The following ZNF37A variants were observed in gnomAD, a reference collection of about 807,000 sequenced individuals.
ZNF37A encodes the protein zinc finger protein 37a (KOX 21).
A neutral mutation model predicts 12.3 loss-of-function variants in ZNF37A; 10 were observed. That is an observed-to-expected ratio of 0.82 (90% CI 0.50 to 1.38). ZNF37A has a LOEUF of 1.38. Among genes scored for constraint, ZNF37A ranks in the 40% most tolerant of loss-of-function variants. The pLI is 0.00. For synonymous variants in ZNF37A, 207 were observed against 223.0 expected, an observed-to-expected ratio of 0.93 and a Z score of 0.64; for missense variants, 580 against 651.2, an observed-to-expected ratio of 0.89 and a Z score of 1.19.
rs142783823 is a variant in ZNF37A, at chr10:38,104,074, A to C, written c.15+7442A>C. On this transcript the variant is annotated intron_variant, in intron 5 of 7. Transcript: ENST00000685332. ...ATGATCTCAATTCCCTGCTTTATGC[A>C]GGAGCTTTTCAAACCCCTTATCCCC... is the stretch of plus-strand genomic sequence containing the variant. Among the ~76,000 whole-genome samples the C allele has an allele frequency of 5.0e-3, 757 of 152,324 alleles. 5 individuals are homozygous for C. Among genetic ancestry groups the C allele is most frequent in the Middle Eastern group, 0.027 (8 of 294 alleles).
At chr10:38,112,074 T>C (rs2068722915) in intron 5 of ZNF37A, among the ~76,000 whole-genome samples, 1 of 151,252 alleles carries the variant, frequency 6.6e-6, no homozygotes, top group African/African-American at 2.4e-5. Context: ...TAGCTTGTGT[T>C]CAGGTACTGT....
chr10:38,110,293 CTG>C (rs2068529363), intron 5 of ZNF37A, among the ~76,000 whole-genome samples: 1 of 152,162 alleles, frequency 6.6e-6, no homozygotes, highest in Non-Finnish European at 1.5e-5. Flanking sequence ...ATAAAGAAAA[CTG>C]GAACTGGACC....
rs2069389023 is a variant in ZNF37A at position 38,117,716 on chromosome 10, A to G, written c.565A>G (p.Ile189Val). 1 of 1,613,946 alleles carries G rather than the reference A, an allele frequency of 6.2e-7. No homozygotes were observed. The highest frequency in any genetic ancestry group is 8.5e-7 in the Non-Finnish European group (1 of 1,179,960). The part of the protein sequence containing the change: ...HGKTCDMSFF[I>V]THQQTHPREN... ...GAAAACCTGTGATATGTCATTTTTCATCACTCATCAGCAAACACATCCAAG... is the reference window on the plus strand; with the variant it reads ...GAAAACCTGTGATATGTCATTTTTCGTCACTCATCAGCAAACACATCCAAG... The change falls in exon 8 of 8, where the codon ATC (isoleucine) becomes GTC (valine). Residue 189 changes from isoleucine (I) to valine (V), a missense_variant. Transcript: ENST00000685332.
rs551788907 is a variant in ZNF37A at position 38,114,765 on chromosome 10, C to T, written c.26C>T (p.Ser9Leu). The change falls in exon 6 of 8, where the codon TCG becomes TTG. Residue 9 changes from serine (S) to leucine (L), a missense_variant. Transcript: ENST00000685332. MITSQGSV[S>L]FRDVTVGFTQ... Reference sequence around the variant, plus strand: ...ATTGTGATTTTCCAGGGATCAGTGTCGTTTAGGGATGTGACTGTGGGCTTC... The same window carrying T: ...ATTGTGATTTTCCAGGGATCAGTGTTGTTTAGGGATGTGACTGTGGGCTTC... 20 of 1,613,964 alleles carry T rather than the reference C, an allele frequency of 1.2e-5. No homozygotes were observed. Among genetic ancestry groups the T allele is most frequent in the East Asian group, 1.1e-4 (5 of 44,860 alleles).
intron 7 of ZNF37A, among the ~76,000 whole-genome samples, chr10:38,131,789 G>A (rs1037862786): frequency 6.6e-6 from 1 of 152,074 alleles, no homozygotes; most frequent in Middle Eastern, 3.2e-3. Flanking sequence ...CCATTTATTC[G>A]TTTCTTCTTT....
chr10:38,117,175 G>A, intron 7 of ZNF37A: 1 of 984,884 alleles, frequency 1.0e-6, no homozygotes, highest in Non-Finnish European at 1.2e-6. Flanking sequence ...ATTGGAGCCT[G>A]GATTATAGGA....
intron 5 of ZNF37A, among the ~76,000 whole-genome samples, chr10:38,107,693 G>A (rs1344406988): frequency 1.3e-5 from 2 of 152,030 alleles, no homozygotes; most frequent in Non-Finnish European, 2.9e-5. Flanking sequence ...AAAAGAAGCA[G>A]GTGTTACAAT....
chr10:38,095,896 A>ACTGGG (rs2067112115), intron 4 of ZNF37A, 92 bp downstream of exon 4: 1 of 152,278 alleles, frequency 6.6e-6, no homozygotes, highest in South Asian at 2.1e-4. Flanking sequence ...TTCCAAAAAA[A>ACTGGG]CTGGGCTGGG....
intron 5 of ZNF37A, among the ~76,000 whole-genome samples, chr10:38,100,918 C>T (rs970569472): frequency 5.3e-5 from 8 of 152,078 alleles, no homozygotes; most frequent in South Asian, 2.1e-4. Flanking sequence ...AATAAATGTC[C>T]GTGAAATCTT....
chr10:38,145,222 A>C (rs2070236238), intron 7 of ZNF37A, among the ~76,000 whole-genome samples: 1 of 152,194 alleles, frequency 6.6e-6, no homozygotes, highest in South Asian at 2.1e-4. Context: ...CAGGGAAAAA[A>C]AGGATCAGAA....
exon 8 of ZNF37A, chr10:38,146,958 C>T (rs1480036512): frequency 1.3e-5 from 5 of 388,036 alleles, no homozygotes; most frequent in Non-Finnish European, 2.3e-5. Flanking sequence ...AGCATTGTTT[C>T]TATAGGTTAT....
rs187280900 is a variant in ZNF37A, at chr10:38,120,991, A to T, written c.*2154A>T. On this transcript the variant is annotated 3_prime_UTR_variant, in exon 8 of 8. Transcript: ENST00000685332. ...AGCCCTGGAAACAAGGTCATACTAGAGATTGGTTGTGCCTTGTCACAACTG... is the reference window on the plus strand; with the variant it reads ...AGCCCTGGAAACAAGGTCATACTAGTGATTGGTTGTGCCTTGTCACAACTG... 3 of 152,338 alleles carry T rather than the reference A, an allele frequency of 2.0e-5. No individual in the cohort carries two copies. In the East Asian group the frequency reaches 5.8e-4, roughly 29 times the overall value. The allele number at this position is 152,338 out of a possible 1,614,324, so 9.4% of individuals were successfully genotyped here. A position where few individuals can be genotyped will look rare whatever the true frequency, so the allele number is the denominator to read the frequency against.
chr10:38,127,731 C>T (rs1405768574), downstream of ZNF37A, among the ~76,000 whole-genome samples: 2 of 152,172 alleles, frequency 1.3e-5, no homozygotes, highest in Non-Finnish European at 2.9e-5. Flanking sequence ...GCCATTGACA[C>T]AGAGGTAAAT....
At position 38,118,012 on chromosome 10, in the gene ZNF37A, A is replaced by C; in HGVS notation, c.861A>C (p.Thr287=). 1 of 1,614,082 alleles carries C rather than the reference A, an allele frequency of 6.2e-7. No homozygotes were observed. Among genetic ancestry groups the C allele is most frequent in the Non-Finnish European group, 8.5e-7 (1 of 1,180,014 alleles). The change falls in exon 8 of 8, where the codon ACA becomes ACC. Residue 287 remains threonine (T), a synonymous_variant. Coordinates refer to ENST00000685332, the MANE Select transcript of ZNF37A (RefSeq NM_001324250.3). ...CCTTCACCCAGAAGTCAGCCCACACAAGACATCAGAGAACACACACAGGGG... is the reference window on the plus strand; with the variant it reads ...CCTTCACCCAGAAGTCAGCCCACACCAGACATCAGAGAACACACACAGGGG... ...GKTFTQKSAH[T]RHQRTHTGGK...
chr10:38,111,356 T>C (rs530548405), intron 5 of ZNF37A, among the ~76,000 whole-genome samples: 2 of 151,914 alleles, frequency 1.3e-5, no homozygotes, highest in Non-Finnish European at 1.5e-5. Flanking sequence ...AGGGGAGAGA[T>C]AGCATTAGGA....
At chr10:38,125,866 T>C (rs2069918017), downstream of ZNF37A, among the ~76,000 whole-genome samples, 1 of 152,154 alleles carries the variant, frequency 6.6e-6, no homozygotes, top group East Asian at 1.9e-4. Context: ...ACAGGAAGCA[T>C]GTTGCTGGGA....
chr10:38,127,661 T>G (rs1201941364), downstream of ZNF37A, among the ~76,000 whole-genome samples: 1 of 152,160 alleles, frequency 6.6e-6, no homozygotes, highest in African/African-American at 2.4e-5. Flanking sequence ...TCCACTCATT[T>G]CAGGACCCCT....
rs986932926 is a variant in ZNF37A, at chr10:38,119,963, G to A, written c.*1126G>A. 6.6e-6 allele frequency: 1 copy of A among 152,222 alleles called. No homozygotes were observed. The highest frequency in any genetic ancestry group is 2.4e-5 in the African/African-American group (1 of 41,470). The allele number at this position is 152,222 out of a possible 1,614,324, so 9.4% of individuals were successfully genotyped here. A position where few individuals can be genotyped will look rare whatever the true frequency, so the allele number is the denominator to read the frequency against. ...GGATTAGTAGAAGAGAGTGGGTCCA[G>A]ATTTCTGGTGGTTTCTGCCCTGCAG... On this transcript the variant is annotated 3_prime_UTR_variant, in exon 8 of 8. Coordinates refer to ENST00000685332, the MANE Select transcript of ZNF37A (RefSeq NM_001324250.3).
Position 38,112,793 on chromosome 10 carries a change from T to TCTTGTCTTGTCTTGTCTTGTCTTG in ZNF37A, c.16-1962_16-1961insCTTGTCTTGTCTTGTCTTGTCTTG, listed in dbSNP as rs1564932610. 5.1e-4 allele frequency among the ~76,000 whole-genome samples: 25 copies of TCTTGTCTTGTCTTGTCTTGTCTTG among 48,772 alleles called. 3 individuals carry two copies. Among genetic ancestry groups the TCTTGTCTTGTCTTGTCTTGTCTTG allele is most frequent in the African/African-American group, 1.6e-3 (22 of 14,192 alleles). 32.0% of individuals were successfully genotyped at this position (48,772 alleles called of 152,430 possible). A position where few individuals can be genotyped will look rare whatever the true frequency, so the allele number is the denominator to read the frequency against. ...TTCTTTTCTTTTCTTTTCTTTTCTTTTCTTGTCTTGTCTTGTCTTCTTTTC... is the reference window on the plus strand; with the variant it reads ...TTCTTTTCTTTTCTTTTCTTTTCTTTCTTGTCTTGTCTTGTCTTGTCTTGTCTTGTCTTGTCTTGTCTTCTTTTC... On this transcript the variant is annotated intron_variant, in intron 5 of 7. Coordinates refer to ENST00000685332, the MANE Select transcript of ZNF37A (RefSeq NM_001324250.3).
Sources: allele counts gnomAD v4.1 joint callset (sites outside exome capture counted in the v4.1 genomes callset), GRCh38; gene constraint gnomAD v4.1.1; transcripts MANE v1.5; gene names NCBI Gene and HGNC (gene_info 2026-07-23, HGNC 2026-07-21).